SNX29: variants seen among roughly 807,000 people sequenced by gnomAD.
SNX29 encodes sorting nexin 29.
A neutral mutation model predicts 102.1 loss-of-function variants in SNX29; 78 were observed. The ratio of observed to expected loss-of-function variants is 0.76; its 90% confidence interval spans 0.64 to 0.92. The LOEUF is 0.92. SNX29 is among the 40% of genes least tolerant of loss of function. The pLI is 0.00. For missense variants in SNX29, 1,280 were observed against 1,061.7 expected (o/e 1.21, Z -2.86); for synonymous variants, 580 against 414.5 (o/e 1.40, Z -4.85).
At chr16:12,033,610 CTTTTTTT>C (rs869128492) in intron 4 of SNX29, among the ~76,000 whole-genome samples, 7 of 140,118 alleles carry the variant, frequency 5.0e-5, no homozygotes, top group East Asian at 2.0e-4. Context: ...TTTCTTTTTT[CTTTTTTT>C]TTTTTTTTGA....
intron 11 of SNX29, among the ~76,000 whole-genome samples, chr16:12,099,596 C>T (rs551691821): frequency 2.0e-5 from 3 of 152,124 alleles, no homozygotes; most frequent in African/African-American, 4.8e-5. Context: ...CCCGGACTCC[C>T]GGTGAGGGTG....
At chr16:12,027,090 A>G (rs1171424128) in intron 3 of SNX29, among the ~76,000 whole-genome samples, 1 of 152,146 alleles carries the variant, frequency 6.6e-6, no homozygotes, top group East Asian at 1.9e-4. Context: ...AGTCTGATGC[A>G]TATGGGTAGA....
At chr16:12,248,815 T>A (rs969689969) in intron 14 of SNX29, among the ~76,000 whole-genome samples, 1 of 151,990 alleles carries the variant, frequency 6.6e-6, no homozygotes, top group Non-Finnish European at 1.5e-5. Flanking sequence ...CAGCACATGA[T>A]AGAAAAATGC....
chr16:12,003,688 T>C (rs1019846163), intron 3 of SNX29, among the ~76,000 whole-genome samples: 1 of 152,192 alleles, frequency 6.6e-6, no homozygotes, highest in Non-Finnish European at 1.5e-5. Flanking sequence ...ATTGTGATCA[T>C]TTGTTCCTTT....
At chr16:12,465,425 A>G (rs1042985077) in intron 18 of SNX29, among the ~76,000 whole-genome samples, 2 of 152,092 alleles carry the variant, frequency 1.3e-5, no homozygotes, top group Non-Finnish European at 2.9e-5. Context: ...ATTATTTTGA[A>G]GGTAGATATT....
At chr16:12,542,552 G>C (rs1294026402) in intron 20 of SNX29, among the ~76,000 whole-genome samples, 1 of 152,166 alleles carries the variant, frequency 6.6e-6, no homozygotes, top group Non-Finnish European at 1.5e-5. Flanking sequence ...GGCTGATCTT[G>C]AACTCCTGAC....
chr16:12,094,845 C>G (rs1436069215), intron 11 of SNX29, among the ~76,000 whole-genome samples: 1 of 152,008 alleles, frequency 6.6e-6, no homozygotes, highest in Non-Finnish European at 1.5e-5. Context: ...TTCCAGGAAC[C>G]GTATTTTGTC....
At chr16:12,017,967 G>A (rs758242173) in intron 3 of SNX29, among the ~76,000 whole-genome samples, 39 of 151,960 alleles carry the variant, frequency 2.6e-4, no homozygotes, top group Middle Eastern at 3.4e-3. Flanking sequence ...GTGCAATGGC[G>A]CGATCTTGGC....
chr16:12,146,900 A>G (rs1263535152), intron 13 of SNX29, among the ~76,000 whole-genome samples: 1 of 152,236 alleles, frequency 6.6e-6, no homozygotes, highest in Non-Finnish European at 1.5e-5. Flanking sequence ...TGTAACCAGT[A>G]TAGGTTTCCT....
chr16:12,509,346 A>T (rs547637434), intron 19 of SNX29, among the ~76,000 whole-genome samples: 1 of 152,094 alleles, frequency 6.6e-6, no homozygotes, highest in Non-Finnish European at 1.5e-5. Flanking sequence ...GGCCCACACC[A>T]CCCAAGCAGT....
intron 13 of SNX29, among the ~76,000 whole-genome samples, chr16:12,160,911 C>T (rs976340050): frequency 2.0e-5 from 3 of 152,180 alleles, no homozygotes; most frequent in Admixed American, 6.5e-5. Context: ...GAGATCTTGA[C>T]TGCTTTCACT....
At chr16:12,553,350 G>C (rs571708310) in intron 20 of SNX29, among the ~76,000 whole-genome samples, 1 of 152,312 alleles carries the variant, frequency 6.6e-6, no homozygotes, top group East Asian at 1.9e-4. Context: ...AAACCAGCTC[G>C]TCTTCTCAGA....
intron 15 of SNX29, among the ~76,000 whole-genome samples, chr16:12,313,528 G>C (rs531820467): frequency 5.3e-5 from 8 of 152,190 alleles, no homozygotes; most frequent in African/African-American, 1.9e-4. Context: ...TCCATGACCT[G>C]CCAGTATGAA....
chr16:12,304,159 G>T (rs1400955676), intron 15 of SNX29, among the ~76,000 whole-genome samples: 1 of 151,732 alleles, frequency 6.6e-6, no homozygotes, highest in African/African-American at 2.4e-5. Context: ...TTTGGAGGCT[G>T]TGAATCCTAT....
chr16:12,275,163 T>C (rs2079206310), intron 14 of SNX29, among the ~76,000 whole-genome samples: 1 of 152,202 alleles, frequency 6.6e-6, no homozygotes, highest in African/African-American at 2.4e-5. Context: ...CTTGGGGTGA[T>C]CTGGCTGTGC....
At chr16:12,343,025 T>A (rs1223541235) in intron 15 of SNX29, among the ~76,000 whole-genome samples, 11 of 152,250 alleles carry the variant, frequency 7.2e-5, no homozygotes, top group African/African-American at 2.7e-4. Context: ...TTGATGCTCA[T>A]AAAATTTAAT....
At chr16:12,339,394 A>G (rs2081549651) in intron 15 of SNX29, among the ~76,000 whole-genome samples, 1 of 147,870 alleles carries the variant, frequency 6.8e-6, no homozygotes, top group Non-Finnish European at 1.5e-5. Context: ...AAAAAAAAAA[A>G]GATTATGGGT....
intron 14 of SNX29, among the ~76,000 whole-genome samples, chr16:12,205,330 T>C (rs2077018205): frequency 6.6e-6 from 1 of 152,296 alleles, no homozygotes; most frequent in Non-Finnish European, 1.5e-5. Flanking sequence ...GCTGGCTCTG[T>C]GTGTGTATGT....
chr16:12,501,491 G>T (rs762157722), intron 19 of SNX29, among the ~76,000 whole-genome samples: 3 of 152,044 alleles, frequency 2.0e-5, no homozygotes, highest in African/African-American at 4.8e-5. Context: ...GGAGGCTGAG[G>T]TGAGTGGATC....
Sources: gnomAD v4.1 joint callset for allele counts (sites outside exome capture counted in the v4.1 genomes callset) on GRCh38, gnomAD v4.1.1 for gene constraint, MANE v1.5 for transcripts, NCBI Gene and HGNC (gene_info 2026-07-23, HGNC 2026-07-21) for gene names.